Variants in OPHN1 observed in about 807,000 individuals in gnomAD.
OPHN1 encodes the protein oligophrenin-1.
In OPHN1, 11 loss-of-function variants were observed where a neutral mutation model predicts 60.7. That is an observed-to-expected ratio of 0.18 (90% CI 0.11 to 0.30). OPHN1 has a LOEUF of 0.30. OPHN1 is among the 10% of genes least tolerant of loss of function. The pLI, the probability that OPHN1 is intolerant of heterozygous loss-of-function variation, is 1.00. For missense variants in OPHN1, 449 were observed against 611.0 expected (o/e 0.73, Z 2.80); for synonymous variants, 226 against 222.6 (o/e 1.02, Z -0.14).
intron 20 of OPHN1, among the ~76,000 whole-genome samples, chrX:68,069,073 A>T (rs1188817056): frequency 8.9e-6 from 1 of 112,026 alleles, no homozygotes; most frequent in Non-Finnish European, 1.9e-5. Flanking sequence ...CTCAGTTTTT[A>T]AAAAAGTTAA....
chrX:68,181,671 A>T (rs753428236), intron 15 of OPHN1, among the ~76,000 whole-genome samples: 6 of 110,470 alleles, frequency 5.4e-5, no homozygotes, highest in South Asian at 7.8e-4. Context: ...CTAAAAATTT[A>T]AAAAAAATTA....
chrX:68,428,689 G>A (rs2078871360), intron 2 of OPHN1, among the ~76,000 whole-genome samples: 1 of 112,164 alleles, frequency 8.9e-6, no homozygotes, highest in African/African-American at 3.2e-5. Context: ...TTTGTGATAT[G>A]AGCAGGGGCC....
chrX:68,096,286 A>T (rs2077037945), intron 19 of OPHN1, among the ~76,000 whole-genome samples: 1 of 112,054 alleles, frequency 8.9e-6, no homozygotes, highest in African/African-American at 3.2e-5. Flanking sequence ...TTACCATTAG[A>T]TCATATCCTT....
At position 68,057,174 on chromosome X, in the gene OPHN1, C is replaced by A. The variant is rs1216303632; in HGVS notation, c.2159-3364G>T. Among the ~76,000 whole-genome samples the A allele has an allele frequency of 2.7e-5, 3 of 111,855 alleles. No individual in the cohort carries two copies. In the East Asian group the frequency reaches 8.4e-4, roughly 31 times the overall value. ...GTCCCAACTACCACTGTTCTTCAAC[C>A]CTAGTGAAACATTAGAAATATGTAA... On this transcript the variant is annotated intron_variant, in intron 21 of 24. Coordinates refer to ENST00000355520, the MANE Select transcript of OPHN1 (RefSeq NM_002547.3).
At chrX:68,090,136 G>C (rs1187924719) in intron 19 of OPHN1, among the ~76,000 whole-genome samples, 8 of 110,280 alleles carry the variant, frequency 7.3e-5, no homozygotes, top group Admixed American at 6.8e-4. Flanking sequence ...ATAACCTTTA[G>C]CTTAACCTTA....
chrX:68,342,914 T>C (rs1477427733), intron 2 of OPHN1, among the ~76,000 whole-genome samples: 1 of 110,401 alleles, frequency 9.1e-6, no homozygotes, highest in Non-Finnish European at 1.9e-5. Context: ...GCACTCTAAC[T>C]TGGGTGACAG....
chrX:68,070,510 C>A, intron 20 of OPHN1: 2 of 642,468 alleles, frequency 3.1e-6, no homozygotes, highest in East Asian at 3.2e-5. Flanking sequence ...AACTAAAAGG[C>A]AGAAAAGTAC....
chrX:68,224,574 G>A (rs1403011448), intron 6 of OPHN1, among the ~76,000 whole-genome samples: 1 of 111,363 alleles, frequency 9.0e-6, no homozygotes, highest in Non-Finnish European at 1.9e-5. Context: ...AATATTTGTG[G>A]GCAACAAAAG....
At chrX:68,240,169 C>G (rs2077773968) in intron 5 of OPHN1, among the ~76,000 whole-genome samples, 1 of 112,318 alleles carries the variant, frequency 8.9e-6, no homozygotes, top group South Asian at 3.7e-4. Flanking sequence ...CAATAGTAGA[C>G]AAATGGGTAT....
At chrX:68,142,134 C>G (rs1237317276) in intron 15 of OPHN1, among the ~76,000 whole-genome samples, 1 of 111,805 alleles carries the variant, frequency 8.9e-6, no homozygotes, top group East Asian at 2.8e-4. Context: ...GTTGATTAAA[C>G]ATCTACTCAG....
intron 2 of OPHN1, among the ~76,000 whole-genome samples, chrX:68,327,032 G>A (rs1228668092): frequency 2.0e-5 from 1 of 50,646 alleles, no homozygotes; most frequent in Non-Finnish European, 2.9e-5. Context: ...AGGGAGGTGG[G>A]GGGAACAGCC....
At chrX:68,117,161 C>T (rs1196281702) in intron 16 of OPHN1, among the ~76,000 whole-genome samples, 3 of 110,891 alleles carry the variant, frequency 2.7e-5, no homozygotes, top group Non-Finnish European at 5.7e-5. Context: ...CCTCTCCCTC[C>T]CTCTCTACAC....
intron 2 of OPHN1, among the ~76,000 whole-genome samples, chrX:68,318,703 T>TA (rs1253557134): frequency 9.0e-6 from 1 of 111,679 alleles, no homozygotes; most frequent in Non-Finnish European, 1.9e-5. Context: ...TTCCTTGGTT[T>TA]TTACCTAAGG....
chrX:68,262,829 A>AGGAC (rs1555962846), intron 5 of OPHN1, among the ~76,000 whole-genome samples: 3 of 97,989 alleles, frequency 3.1e-5, no homozygotes, highest in Non-Finnish European at 6.2e-5. Flanking sequence ...CAAGAAAGGA[A>AGGAC]AGGACAGGAC....
chrX:68,313,803 T>C (rs2078185117), intron 2 of OPHN1, among the ~76,000 whole-genome samples: 1 of 111,503 alleles, frequency 9.0e-6, no homozygotes, highest in Admixed American at 9.6e-5. Flanking sequence ...GTAACTATAG[T>C]CAACAACAAT....
intron 15 of OPHN1, among the ~76,000 whole-genome samples, chrX:68,160,436 C>G (rs2077329578): frequency 1.8e-5 from 2 of 111,272 alleles, no homozygotes; most frequent in South Asian, 7.5e-4. Flanking sequence ...GTATACATAA[C>G]AGATTATCTA....
At chrX:68,178,821 T>C (rs2077424901) in intron 15 of OPHN1, among the ~76,000 whole-genome samples, 1 of 112,479 alleles carries the variant, frequency 8.9e-6, no homozygotes, top group Admixed American at 9.4e-5. Flanking sequence ...GGTTCTTCTA[T>C]TTCAAATATT....
intron 2 of OPHN1, among the ~76,000 whole-genome samples, chrX:68,325,987 T>C (rs981559856): frequency 5.1e-4 from 3 of 5,933 alleles, no homozygotes; most frequent in Non-Finnish European, 6.7e-4. Flanking sequence ...TGCCTCAGCC[T>C]GCTGAGTGCC....
chrX:68,284,069 A>G (rs745708697), intron 3 of OPHN1, among the ~76,000 whole-genome samples: 20 of 111,952 alleles, frequency 1.8e-4, no homozygotes, highest in Admixed American at 1.7e-3. Context: ...ATGTTTATTG[A>G]CCTTCTGTCC....
Sources: gnomAD v4.1 joint callset for allele counts (sites outside exome capture counted in the v4.1 genomes callset) on GRCh38, gnomAD v4.1.1 for gene constraint, MANE v1.5 for transcripts, NCBI Gene and HGNC (gene_info 2026-07-23, HGNC 2026-07-21) for gene names.